Variants in MPHOSPH9 observed in about 807,000 individuals in gnomAD.
MPHOSPH9 encodes the protein M-phase phosphoprotein 9.
MPHOSPH9 carries 88 observed loss-of-function variants against 145.5 expected under a neutral mutation model. That is an observed-to-expected ratio of 0.60 (90% CI 0.51 to 0.72). The LOEUF is 0.72. Ranked by LOEUF, MPHOSPH9 falls within the 30% of genes least tolerant of loss-of-function variation. The pLI is 0.00. For synonymous variants in MPHOSPH9, 435 were observed against 486.2 expected (o/e 0.89, Z 1.39); for missense variants, 1,238 against 1,386.6 (o/e 0.89, Z 1.70).
At chr12:123,190,354 G>A (rs916462692) in intron 13 of MPHOSPH9, among the ~76,000 whole-genome samples, 2 of 151,960 alleles carry the variant, frequency 1.3e-5, no homozygotes, top group Admixed American at 6.6e-5. Context: ...GGGTTTCAAC[G>A]TGTTAGCCAG....
chr12:123,214,838 C>A lies in MPHOSPH9; in HGVS notation c.997-4G>T, dbSNP rs750173167. On this transcript the variant is annotated splice_region_variant and splice_polypyrimidine_tract_variant and intron_variant, in intron 6 of 23. Transcript: ENST00000606320. ...GTGTAGCAGCAGCAAAATCAGACTA[C>A]AAGAAAGAAAACTATTGATTGACAG... 1 of 1,608,636 alleles carries A rather than the reference C, an allele frequency of 6.2e-7. No homozygotes were observed.
At position 123,163,944 on chromosome 12, in the gene MPHOSPH9, TCTTA is replaced by T. The variant is rs774139912; in HGVS notation, c.2908+2_2908+5del. Reference sequence around the variant, plus strand: ...AACCCAAGAGATGTACACATCTAACTCTTACTTGGAGTACTTGATTTACGATTTG... The same window carrying T: ...AACCCAAGAGATGTACACATCTAACTCTTGGAGTACTTGATTTACGATTTG... On this transcript the variant is annotated splice_donor_variant and splice_donor_5th_base_variant and intron_variant, in intron 19 of 23. Transcript: ENST00000606320. LOFTEE classifies it high-confidence loss of function. The T allele has an allele frequency of 4.3e-6, 7 of 1,613,920 alleles. No homozygotes were observed. Among genetic ancestry groups the T allele is most frequent in the Non-Finnish European group, 5.9e-6 (7 of 1,179,972 alleles).
chr12:123,189,872 C>T (rs1457343527), intron 13 of MPHOSPH9, among the ~76,000 whole-genome samples: 1 of 151,354 alleles, frequency 6.6e-6, no homozygotes, highest in East Asian at 2.0e-4. Context: ...GGAGGCGGAG[C>T]TTGCAGTGAG....
intron 13 of MPHOSPH9, among the ~76,000 whole-genome samples, chr12:123,183,547 CAAAAAAA>C (rs746928699): frequency 0.01 from 611 of 59,984 alleles, 5 homozygotes; most frequent in Middle Eastern, 0.066. Flanking sequence ...GACTCTGTCT[CAAAAAAA>C]AAAAAAAAAA....
chr12:123,205,636 AAGCCTGTGAAGAGT>A (rs1476201963), intron 8 of MPHOSPH9, among the ~76,000 whole-genome samples: 1 of 152,132 alleles, frequency 6.6e-6, no homozygotes, highest in East Asian at 1.9e-4. Context: ...TCAAGACCTG[AAGCCTGTGAAGAGT>A]AGCATTACTC....
intron 11 of MPHOSPH9, among the ~76,000 whole-genome samples, chr12:123,200,285 T>C (rs1421059749): frequency 6.6e-6 from 1 of 151,830 alleles, no homozygotes; most frequent in African/African-American, 2.4e-5. Context: ...GTTTCTACTG[T>C]CCTCTGTAAC....
intron 1 of MPHOSPH9, among the ~76,000 whole-genome samples, chr12:123,243,235 A>AT (rs35389455): frequency 0.05 from 7,380 of 147,864 alleles, 579 homozygotes; most frequent in African/African-American, 0.17. Context: ...TTTTAAAACA[A>AT]TTTTTTTTTT....
chr12:123,243,396 G>A (rs1409185408), intron 1 of MPHOSPH9, among the ~76,000 whole-genome samples: 1 of 152,184 alleles, frequency 6.6e-6, no homozygotes, highest in Non-Finnish European at 1.5e-5. Context: ...CGGACGTGGT[G>A]GCAGATGCCT....
At chr12:123,165,078 T>C (rs1432353851) in intron 18 of MPHOSPH9, among the ~76,000 whole-genome samples, 1 of 151,560 alleles carries the variant, frequency 6.6e-6, no homozygotes, top group Non-Finnish European at 1.5e-5. Flanking sequence ...AATGTAAGAT[T>C]CAACTGGCTT....
intron 11 of MPHOSPH9, among the ~76,000 whole-genome samples, chr12:123,201,714 TCTA>T: frequency 6.6e-6 from 1 of 152,288 alleles, no homozygotes; most frequent in African/African-American, 2.4e-5. Context: ...TTGCAAGGAC[TCTA>T]CTACTAATAC....
chr12:123,214,623 T>G (rs548322714), intron 7 of MPHOSPH9, 121 bp downstream of exon 7: 2 of 737,638 alleles, frequency 2.7e-6, no homozygotes, highest in South Asian at 3.3e-5. Context: ...CTATACAGTA[T>G]CATCCCATAT....
intron 14 of MPHOSPH9, among the ~76,000 whole-genome samples, chr12:123,180,236 CT>C (rs1471071439): frequency 6.6e-6 from 1 of 152,136 alleles, no homozygotes; most frequent in East Asian, 1.9e-4. Flanking sequence ...TTATACTTTG[CT>C]TAATTAGAAA....
intron 7 of MPHOSPH9, among the ~76,000 whole-genome samples, chr12:123,211,282 G>C (rs1304611529): frequency 6.6e-6 from 1 of 152,022 alleles, no homozygotes; most frequent in Non-Finnish European, 1.5e-5. Context: ...ACCGTGCCCA[G>C]ACTAATTTTT....
At chr12:123,183,451 G>A (rs1257377488) in intron 13 of MPHOSPH9, among the ~76,000 whole-genome samples, 1 of 147,092 alleles carries the variant, frequency 6.8e-6, no homozygotes, top group African/African-American at 2.5e-5. Context: ...AGGAGGCTGA[G>A]GCAGGAAAAT....
At position 123,161,264 on chromosome 12, in the gene MPHOSPH9, C is replaced by G; in HGVS notation, c.3253G>C (p.Val1085Leu). 1 of 1,614,134 alleles carries G rather than the reference C, an allele frequency of 6.2e-7. No individual in the cohort carries two copies. The highest frequency in any genetic ancestry group is 8.5e-7 in the Non-Finnish European group (1 of 1,180,032). Residue 1085 changes from valine to leucine, a missense_variant, in exon 22 of 24, where the codon GTT becomes CTT. Coordinates refer to ENST00000606320, the MANE Select transcript of MPHOSPH9 (RefSeq NM_022782.4). Reference protein sequence around the residue: ...VRTAWEKNKSVSYEQCKPVSV... With the variant: ...VRTAWEKNKSLSYEQCKPVSV... ...ACCGGCTTACACTGTTCGTAGCTAA[C>G]TGATTTATTCTTCTCCCAGGCTGTT...
chr12:123,188,291 C>A (rs2045536092), intron 13 of MPHOSPH9, among the ~76,000 whole-genome samples: 1 of 152,274 alleles, frequency 6.6e-6, no homozygotes, highest in South Asian at 2.1e-4. Context: ...AATTATCATA[C>A]ACTACTGGCA....
intron 1 of MPHOSPH9, among the ~76,000 whole-genome samples, chr12:123,232,689 G>A (rs1266268168): frequency 1.3e-5 from 2 of 152,046 alleles, no homozygotes; most frequent in African/African-American, 2.4e-5. Flanking sequence ...CTATGCAGTC[G>A]CCTAAGCTAC....
intron 8 of MPHOSPH9, among the ~76,000 whole-genome samples, chr12:123,208,397 C>T (rs541372295): frequency 1.3e-5 from 2 of 151,280 alleles, no homozygotes; most frequent in East Asian, 2.0e-4. Flanking sequence ...ATTAGCTGGG[C>T]GTGGTGGCAT....
At chr12:123,212,223 C>G (rs1469216850) in intron 7 of MPHOSPH9, among the ~76,000 whole-genome samples, 1 of 151,890 alleles carries the variant, frequency 6.6e-6, no homozygotes, top group African/African-American at 2.4e-5. Flanking sequence ...ATCAGGTAAA[C>G]AGGGTTGGCT....
Sources: gnomAD v4.1 joint callset for allele counts (sites outside exome capture counted in the v4.1 genomes callset) on GRCh38, gnomAD v4.1.1 for gene constraint, MANE v1.5 for transcripts, NCBI Gene and HGNC (gene_info 2026-07-23, HGNC 2026-07-21) for gene names.